CNTNAP2: variants seen among roughly 807,000 people sequenced by gnomAD.
The protein encoded by CNTNAP2 is contactin-associated protein-like 2.
Under a neutral mutation model 155.2 loss-of-function variants are expected in CNTNAP2, and 98 were observed. The ratio of observed to expected loss-of-function variants is 0.63; its 90% CI spans 0.54 to 0.75. The LOEUF (loss-of-function observed/expected upper bound fraction) is 0.75. Ranked by LOEUF, CNTNAP2 falls within the 30% of genes least tolerant of loss-of-function variation. The pLI is 0.00. For synonymous variants in CNTNAP2, 651 were observed against 631.2 expected (o/e 1.03, Z -0.47); for missense variants, 1,727 against 1,688.1 (o/e 1.02, Z -0.40).
chr7:148,170,380 T>C (rs1585165031), intron 17 of CNTNAP2, among the ~76,000 whole-genome samples: 1 of 152,334 alleles, frequency 6.6e-6, no homozygotes, highest in African/African-American at 2.4e-5. Flanking sequence ...AGAAGCCAAA[T>C]TGAAATTCTA....
intron 15 of CNTNAP2, among the ~76,000 whole-genome samples, chr7:148,087,100 A>G (rs1192406585): frequency 6.6e-6 from 1 of 152,174 alleles, no homozygotes; most frequent in African/African-American, 2.4e-5. Flanking sequence ...CCTCCTCCTC[A>G]GAACACGTGC....
At chr7:146,748,027 T>G in intron 1 of CNTNAP2, among the ~76,000 whole-genome samples, 1 of 152,050 alleles carries the variant, frequency 6.6e-6, no homozygotes, top group East Asian at 1.9e-4. Flanking sequence ...TTAAAAATTT[T>G]TATTTACTTT....
chr7:146,636,786 T>C (rs1799606610), intron 1 of CNTNAP2, among the ~76,000 whole-genome samples: 1 of 152,254 alleles, frequency 6.6e-6, no homozygotes, highest in South Asian at 2.1e-4. Context: ...GAGACCCTGC[T>C]CTGGCATTTC....
At chr7:147,448,472 A>ATG (rs201062278) in intron 10 of CNTNAP2, among the ~76,000 whole-genome samples, 23 of 119,368 alleles carry the variant, frequency 1.9e-4, no homozygotes, top group African/African-American at 3.1e-4. Context: ...CAAACCAAAT[A>ATG]TGTGTGTGTG....
intron 1 of CNTNAP2, among the ~76,000 whole-genome samples, chr7:146,609,155 C>A (rs1183304926): frequency 6.6e-6 from 1 of 152,154 alleles, no homozygotes; most frequent in East Asian, 1.9e-4. Context: ...CATTGATCAT[C>A]TAAGTTTTGC....
chr7:146,949,927 T>C (rs1797274591), intron 3 of CNTNAP2, among the ~76,000 whole-genome samples: 1 of 152,136 alleles, frequency 6.6e-6, no homozygotes, highest in Non-Finnish European at 1.5e-5. Context: ...TGCTAATCAC[T>C]TGAGGAAAAC....
chr7:146,764,940 T>C (rs950055820), intron 1 of CNTNAP2, among the ~76,000 whole-genome samples: 8 of 152,166 alleles, frequency 5.3e-5, no homozygotes, highest in African/African-American at 1.9e-4. Context: ...AGACTTCCTA[T>C]GGTGTGCCCT....
chr7:146,937,465 G>C (rs1796943821), intron 3 of CNTNAP2, among the ~76,000 whole-genome samples: 1 of 152,054 alleles, frequency 6.6e-6, no homozygotes, highest in Non-Finnish European at 1.5e-5. Context: ...GTTCTCACTA[G>C]AGTTAACTCC....
intron 8 of CNTNAP2, among the ~76,000 whole-genome samples, chr7:147,284,874 T>A (rs1805141344): frequency 6.6e-6 from 1 of 151,782 alleles, no homozygotes; most frequent in Non-Finnish European, 1.5e-5. Context: ...AATGGTTTAA[T>A]TGGAGGAAAT....
chr7:147,266,209 C>A (rs1352310080), intron 8 of CNTNAP2, among the ~76,000 whole-genome samples: 2 of 152,110 alleles, frequency 1.3e-5, no homozygotes, highest in African/African-American at 4.8e-5. Context: ...CATGTTCTAA[C>A]CCAATACCAA....
At chr7:146,234,723 C>A (rs973494496) in intron 1 of CNTNAP2, among the ~76,000 whole-genome samples, 3 of 152,116 alleles carry the variant, frequency 2.0e-5, no homozygotes, top group African/African-American at 7.2e-5. Context: ...ATAGGGAATC[C>A]TTTCCCCATT....
intron 1 of CNTNAP2, among the ~76,000 whole-genome samples, chr7:146,183,300 CA>C (rs1175461039): frequency 6.6e-6 from 1 of 152,092 alleles, no homozygotes; most frequent in African/African-American, 2.4e-5. Flanking sequence ...CACTTGGTCC[CA>C]TCAGCCATGG....
At chr7:147,305,661 A>G (rs1363555613) in intron 9 of CNTNAP2, among the ~76,000 whole-genome samples, 1 of 152,222 alleles carries the variant, frequency 6.6e-6, no homozygotes, top group Non-Finnish European at 1.5e-5. Flanking sequence ...TATAAGTTAG[A>G]CAATGTGTCA....
At chr7:147,600,091 C>T (rs1207521877) in intron 12 of CNTNAP2, among the ~76,000 whole-genome samples, 1 of 152,030 alleles carries the variant, frequency 6.6e-6, no homozygotes, top group African/African-American at 2.4e-5. Context: ...CTTAGAATAC[C>T]ATGCTTTCCT....
chr7:148,106,493 G>GATAGATATATAT (rs1490418389), intron 15 of CNTNAP2, among the ~76,000 whole-genome samples: 2 of 124,926 alleles, frequency 1.6e-5, no homozygotes, highest in African/African-American at 6.9e-5. Flanking sequence ...CACACTTTGA[G>GATAGATATATAT]ATATATATAT....
chr7:146,735,221 A>T (rs766093043), intron 1 of CNTNAP2, among the ~76,000 whole-genome samples: 2 of 152,166 alleles, frequency 1.3e-5, no homozygotes, highest in Non-Finnish European at 2.9e-5. Context: ...TTCTTACCAG[A>T]AAACCAGTCA....
At chr7:147,415,462 C>T (rs573133625) in intron 10 of CNTNAP2, among the ~76,000 whole-genome samples, 4 of 152,152 alleles carry the variant, frequency 2.6e-5, no homozygotes, top group African/African-American at 9.7e-5. Flanking sequence ...TGAGCTCTCA[C>T]GAGATCTGAT....
At chr7:147,340,745 T>C (rs1334880172) in intron 9 of CNTNAP2, among the ~76,000 whole-genome samples, 1 of 152,152 alleles carries the variant, frequency 6.6e-6, no homozygotes, top group African/African-American at 2.4e-5. Context: ...GGGATAAAGT[T>C]TAAACTACCA....
chr7:147,770,990 G>T (rs79202165), intron 13 of CNTNAP2, among the ~76,000 whole-genome samples: 3 of 152,166 alleles, frequency 2.0e-5, no homozygotes, highest in African/African-American at 7.2e-5. Flanking sequence ...GTAATTTGGC[G>T]TAAGAATAAA....
Sources: allele counts gnomAD v4.1 joint callset (sites outside exome capture counted in the v4.1 genomes callset), GRCh38; gene constraint gnomAD v4.1.1; transcripts MANE v1.5; gene names NCBI Gene and HGNC (gene_info 2026-07-23, HGNC 2026-07-21).